Variants in CLSTN2 observed in about 807,000 individuals in gnomAD.
CLSTN2 encodes calsyntenin 2, also known as calsyntenin-2.
A neutral mutation model predicts 101.2 loss-of-function variants in CLSTN2; 48 were observed. The observed-to-expected ratio is 0.47, with a 90% CI of 0.38 to 0.60. CLSTN2 has a LOEUF of 0.60. Among genes scored for constraint, CLSTN2 ranks in the 20% least tolerant of loss-of-function variants. The probability of loss-of-function intolerance (pLI) is 0.00; values close to 1 mark genes in which losing one functional copy is unlikely to be tolerated. For synonymous variants in CLSTN2, 481 were observed against 463.6 expected, an observed-to-expected ratio of 1.04 and a Z score of -0.48; for missense variants, 1,160 against 1,238.2, an observed-to-expected ratio of 0.94 and a Z score of 0.95.
intron 2 of CLSTN2, among the ~76,000 whole-genome samples, chr3:140,385,103 G>A (rs1447619626): frequency 6.6e-6 from 1 of 152,184 alleles, no homozygotes; most frequent in Non-Finnish European, 1.5e-5. Context: ...TGAGCAGCAG[G>A]GTTGGTGGTA....
chr3:140,185,453 C>A (rs1021586777), intron 2 of CLSTN2, among the ~76,000 whole-genome samples: 1 of 152,148 alleles, frequency 6.6e-6, no homozygotes, highest in African/African-American at 2.4e-5. Context: ...CAATGGCATG[C>A]TTCGTCGACA....
At chr3:140,053,075 A>G (rs947606136) in intron 1 of CLSTN2, among the ~76,000 whole-genome samples, 3 of 152,064 alleles carry the variant, frequency 2.0e-5, no homozygotes, top group African/African-American at 7.2e-5. Flanking sequence ...CCTCCCATGC[A>G]TCCCTTTGGG....
intron 8 of CLSTN2, among the ~76,000 whole-genome samples, chr3:140,479,459 T>C (rs915997383): frequency 6.6e-6 from 1 of 152,194 alleles, no homozygotes; most frequent in Non-Finnish European, 1.5e-5. Context: ...TCACTGGACA[T>C]GTGAGGAAAC....
rs200023601 is a variant in CLSTN2, at chr3:140,459,479, C to T, written c.974-42C>T. On this transcript the variant is annotated intron_variant, in intron 6 of 16. Transcript: ENST00000458420. ...AGGAGCAGAAAACAGATGAGGACAC[C>T]GCATCATGACCTGTTATCCTTTCTT... is the stretch of plus-strand genomic sequence containing the variant. The T allele has an allele frequency of 2.9e-3, 4,667 of 1,606,058 alleles. 25 individuals carry two copies. Among genetic ancestry groups the T allele is most frequent in the South Asian group, 0.011 (1,032 of 90,384 alleles).
intron 1 of CLSTN2, among the ~76,000 whole-genome samples, chr3:140,135,146 AT>A (rs2009595483): frequency 1.5e-5 from 2 of 137,632 alleles, no homozygotes; most frequent in African/African-American, 5.7e-5. Flanking sequence ...ATATATATAT[AT>A]ATATATATAT....
chr3:140,151,626 G>T (rs899978706), intron 1 of CLSTN2, among the ~76,000 whole-genome samples: 1 of 152,032 alleles, frequency 6.6e-6, no homozygotes, highest in Non-Finnish European at 1.5e-5. Flanking sequence ...TACGACATGG[G>T]AAGACAATCA....
intron 2 of CLSTN2, among the ~76,000 whole-genome samples, chr3:140,227,458 T>C (rs2086333076): frequency 6.6e-6 from 1 of 152,256 alleles, no homozygotes; most frequent in African/African-American, 2.4e-5. Context: ...CCCTCCCGGC[T>C]GTCCTCATGG....
chr3:140,125,271 A>G (rs2009411140), intron 1 of CLSTN2, among the ~76,000 whole-genome samples: 1 of 152,140 alleles, frequency 6.6e-6, no homozygotes, highest in South Asian at 2.1e-4. Context: ...GGGGAGTGTC[A>G]GAGTCCATTT....
intron 4 of CLSTN2, among the ~76,000 whole-genome samples, chr3:140,410,257 T>C (rs1450949079): frequency 6.6e-6 from 1 of 151,450 alleles, no homozygotes; most frequent in Non-Finnish European, 1.5e-5. Flanking sequence ...AATAAAACTG[T>C]CAGTAAATCA....
At position 139,946,690 on chromosome 3, in the gene CLSTN2, A is replaced by G. The variant is rs527551290; in HGVS notation, c.109+11207A>G. Among the ~76,000 whole-genome samples, 6 of 152,332 alleles carry G rather than the reference A, an allele frequency of 3.9e-5. No individual in the cohort carries two copies. The South Asian group carries it at 1.0e-3, about 26-fold the overall frequency. ...CTGAGATGGAGGGCAAGGATCAGCC[A>G]GAAGAAGACTTCATTCTCCATCCTG... On this transcript the variant is annotated intron_variant, in intron 1 of 16. Coordinates refer to ENST00000458420, the MANE Select transcript of CLSTN2 (RefSeq NM_022131.3).
chr3:140,284,442 A>G (rs887702034), intron 2 of CLSTN2, among the ~76,000 whole-genome samples: 3 of 152,172 alleles, frequency 2.0e-5, no homozygotes, highest in Non-Finnish European at 4.4e-5. Flanking sequence ...ATGGAGTCGC[A>G]AAGAAAATGT....
At chr3:140,219,979 G>T (rs2086252129) in intron 2 of CLSTN2, among the ~76,000 whole-genome samples, 1 of 152,134 alleles carries the variant, frequency 6.6e-6, no homozygotes, top group Non-Finnish European at 1.5e-5. Flanking sequence ...CCATTTTACA[G>T]ATGGAGAAAT....
chr3:140,082,814 G>A (rs1225516924), intron 1 of CLSTN2, among the ~76,000 whole-genome samples: 4 of 152,216 alleles, frequency 2.6e-5, no homozygotes, highest in Non-Finnish European at 5.9e-5. Flanking sequence ...AGAACTGGAT[G>A]TGGTCCCTTG....
At chr3:140,195,666 A>G (rs1224686893) in intron 2 of CLSTN2, among the ~76,000 whole-genome samples, 1 of 152,372 alleles carries the variant, frequency 6.6e-6, no homozygotes, top group African/African-American at 2.4e-5. Context: ...TATATTAAAA[A>G]GTAATTTAGT....
intron 5 of CLSTN2, among the ~76,000 whole-genome samples, chr3:140,445,589 TG>T: frequency 6.6e-6 from 1 of 152,230 alleles, no homozygotes; most frequent in East Asian, 1.9e-4. Flanking sequence ...ATGGAGGGTT[TG>T]GGGAGAGAGG....
chr3:140,496,448 C>T (rs184397728), intron 8 of CLSTN2, among the ~76,000 whole-genome samples: 5 of 152,252 alleles, frequency 3.3e-5, no homozygotes, highest in East Asian at 3.9e-4. Flanking sequence ...TATTTGAATA[C>T]GTTTCATTTC....
intron 2 of CLSTN2, among the ~76,000 whole-genome samples, chr3:140,283,086 A>T (rs1383020): frequency 0.95 from 145,001 of 152,196 alleles, 69,254 homozygotes; most frequent in Non-Finnish European, 0.99. Flanking sequence ...CCTATTTTCC[A>T]ATTGTAAGCA....
At chr3:140,483,121 C>G (rs1287807303) in intron 8 of CLSTN2, among the ~76,000 whole-genome samples, 1 of 152,092 alleles carries the variant, frequency 6.6e-6, no homozygotes, top group East Asian at 1.9e-4. Context: ...TGAATATGTC[C>G]CAGACATTCT....
At chr3:140,208,297 C>A (rs1422257782) in intron 2 of CLSTN2, among the ~76,000 whole-genome samples, 2 of 152,102 alleles carry the variant, frequency 1.3e-5, no homozygotes, top group Non-Finnish European at 2.9e-5. Context: ...AACCTAATTT[C>A]TTTTTAATAG....
Sources: gnomAD v4.1 joint callset for allele counts (sites outside exome capture counted in the v4.1 genomes callset) on GRCh38, gnomAD v4.1.1 for gene constraint, MANE v1.5 for transcripts, NCBI Gene and HGNC (gene_info 2026-07-23, HGNC 2026-07-21) for gene names.